The following EREG variants were observed in gnomAD, a reference collection of about 807,000 sequenced individuals.
EREG encodes the protein proepiregulin.
A neutral mutation model predicts 22.4 loss-of-function variants in EREG; 23 were observed. That is an observed-to-expected ratio of 1.03 (90% CI 0.74 to 1.46). The LOEUF (loss-of-function observed/expected upper bound fraction) is 1.46. Among genes scored for constraint, EREG ranks in the 40% most tolerant of loss-of-function variants. The probability of loss-of-function intolerance (pLI) is 0.00; values close to 1 mark genes in which losing one functional copy is unlikely to be tolerated. For missense variants in EREG, 226 were observed against 205.9 expected, an observed-to-expected ratio of 1.10 and a Z score of -0.60; for synonymous variants, 100 against 75.4, an observed-to-expected ratio of 1.33 and a Z score of -1.69.
intron 2 of EREG, 134 bp downstream of exon 2, chr4:74,379,668 C>A: frequency 1.9e-6 from 1 of 534,182 alleles, no homozygotes; most frequent in East Asian, 2.9e-5. Flanking sequence ...TTTTAAATCA[C>A]CATATAAACT....
At position 74,386,607 on chromosome 4, in the gene EREG, C is replaced by T. The variant is rs1752572675; in HGVS notation, c.*1799C>T. 6.6e-6 allele frequency: 1 copy of T among 152,088 alleles called. No homozygotes were observed. The highest frequency in any genetic ancestry group is 1.5e-5 in the Non-Finnish European group (1 of 68,018). 9.4% of individuals were successfully genotyped at this position (152,088 alleles called of 1,614,324 possible). On this transcript the variant is annotated 3_prime_UTR_variant, in exon 5 of 5. Coordinates refer to ENST00000244869, the MANE Select transcript of EREG (RefSeq NM_001432.3). ...AAAAGAAAAATCAATTAGATCTAAA[C>T]AGTTATTTCTGTTTCCTATTTAATA...
At chr4:74,380,885 A>G in intron 2 of EREG, 129 bp from the exon 3 acceptor site, 1 of 972,244 alleles carries the variant, frequency 1.0e-6, no homozygotes, top group South Asian at 1.7e-5. Flanking sequence ...CCTACTTCTC[A>G]AAATTCTCCT....
At position 74,382,692 on chromosome 4, in the gene EREG, C is replaced by A. The variant is rs1387083187; in HGVS notation, c.326C>A (p.Thr109Asn). ...TGVRCEHFFL[T>N]VHQPLSKEYV... ...GTCCGATGTGAACACTTCTTTTTAACCGTCCACCAACCTTTAAGCAAAGAA... is the reference window on the plus strand; with the variant it reads ...GTCCGATGTGAACACTTCTTTTTAAACGTCCACCAACCTTTAAGCAAAGAA... The change falls in exon 4 of 5, where the codon ACC becomes AAC. Residue 109 changes from threonine (T) to asparagine (N), a missense_variant. By Grantham distance (65) the Thr-to-Asn change is moderately conservative (BLOSUM62 0). Transcript: ENST00000244869. The A allele has an allele frequency of 6.2e-7, 1 of 1,612,916 alleles. No individual in the cohort carries two copies. The highest frequency in any genetic ancestry group is 8.5e-7 in the Non-Finnish European group (1 of 1,179,252).
rs780596944 is a variant in EREG, at chr4:74,384,859, T to C, written c.*51T>C. 1 of 1,023,750 alleles carries C rather than the reference T, an allele frequency of 9.8e-7. No homozygotes were observed. Among genetic ancestry groups the C allele is most frequent in the Non-Finnish European group, 1.5e-6 (1 of 660,172 alleles). The allele number at this position is 1,023,750 out of a possible 1,614,324, so 63.4% of individuals were successfully genotyped here. A position where few individuals can be genotyped will look rare whatever the true frequency, so the allele number is the denominator to read the frequency against. ...GGATAACAGTGTGCCTGGTTAATATTAATATTCCCATTTTATTAATAATAT... is the reference window on the plus strand; with the variant it reads ...GGATAACAGTGTGCCTGGTTAATATCAATATTCCCATTTTATTAATAATAT... On this transcript the variant is annotated 3_prime_UTR_variant, in exon 5 of 5. Transcript: ENST00000244869.
At chr4:74,382,884 T>TTTA in intron 4 of EREG, 90 bp downstream of exon 4, 1 of 953,210 alleles carries the variant, frequency 1.0e-6, no homozygotes, top group East Asian at 2.4e-5. Context: ...GATAAAGTAT[T>TTTA]AGAGAGATAA....
At chr4:74,366,172 A>T (rs1217513850) in intron 1 of EREG, among the ~76,000 whole-genome samples, 1 of 151,456 alleles carries the variant, frequency 6.6e-6, no homozygotes, top group East Asian at 1.9e-4. Flanking sequence ...CCTTTCTGTT[A>T]AAAAAAAATT....
intron 1 of EREG, among the ~76,000 whole-genome samples, chr4:74,375,714 C>T (rs1560598013): frequency 6.6e-6 from 1 of 152,104 alleles, no homozygotes; most frequent in African/African-American, 2.4e-5. Flanking sequence ...CGCATTCACT[C>T]TTCTACCCTA....
Position 74,365,392 on chromosome 4 carries a change from T to C in EREG, c.67+17T>C, listed in dbSNP as rs1428252659. 6 of 1,611,324 alleles carry C rather than the reference T, an allele frequency of 3.7e-6. No homozygotes were observed. Among genetic ancestry groups the C allele is most frequent in the South Asian group, 2.2e-5 (2 of 90,962 alleles). ...TCTGCCTGGGTAAGTTCTCCCCCTCTGGCTTCCGGCCGCCCCAAAGAGGAG... is the reference window on the plus strand; with the variant it reads ...TCTGCCTGGGTAAGTTCTCCCCCTCCGGCTTCCGGCCGCCCCAAAGAGGAG... On this transcript the variant is annotated intron_variant, in intron 1 of 4. Coordinates refer to ENST00000244869, the MANE Select transcript of EREG (RefSeq NM_001432.3).
chr4:74,365,877 A>G lies in EREG; in HGVS notation c.67+502A>G, dbSNP rs144837931. Among the ~76,000 whole-genome samples, 1,062 of 152,230 alleles carry G rather than the reference A, an allele frequency of 7.0e-3. 12 individuals are homozygous for G. Among genetic ancestry groups the G allele is most frequent in the African/African-American group, 0.024 (1,004 of 41,528 alleles). On this transcript the variant is annotated intron_variant, in intron 1 of 4. Coordinates refer to ENST00000244869, the MANE Select transcript of EREG (RefSeq NM_001432.3). ...GTTTAGCTTTCCCGGAGGAGCTGGTATGCGCCAGTGCCAGTTGGCTGAGCT... is the reference window on the plus strand; with the variant it reads ...GTTTAGCTTTCCCGGAGGAGCTGGTGTGCGCCAGTGCCAGTTGGCTGAGCT...
Position 74,379,482 on chromosome 4 carries a change from T to C in EREG, c.102T>C (p.Thr34=), listed in dbSNP as rs1399530907. Residue 34 remains threonine, a synonymous_variant, in exon 2 of 5, where the codon ACT becomes ACC. Transcript: ENST00000244869. ...TTCTACAGGCAGTCCTCAGTACAAC[T>C]GTGATTCCATCATGTATCCCAGGAG... ...FHLLQAVLST[T]VIPSCIPGES... 10 of 1,612,500 alleles carry C rather than the reference T, an allele frequency of 6.2e-6. No homozygotes were observed. The highest frequency in any genetic ancestry group is 8.5e-6 in the Non-Finnish European group (10 of 1,178,562).
At chr4:74,384,445 G>A (rs904826042) in intron 4 of EREG, among the ~76,000 whole-genome samples, 1 of 152,090 alleles carries the variant, frequency 6.6e-6, no homozygotes, top group Non-Finnish European at 1.5e-5. Flanking sequence ...CTTAAATGTG[G>A]CCACACGCCT....
intron 1 of EREG, among the ~76,000 whole-genome samples, chr4:74,376,676 G>A (rs1396835610): frequency 6.6e-6 from 1 of 152,122 alleles, no homozygotes; most frequent in Admixed American, 6.5e-5. Flanking sequence ...TGTAGAAAAA[G>A]CATGGAGTGG....
chr4:74,378,094 T>G (rs1752412503), intron 1 of EREG, among the ~76,000 whole-genome samples: 1 of 152,212 alleles, frequency 6.6e-6, no homozygotes, highest in African/African-American at 2.4e-5. Flanking sequence ...ACCACTTACT[T>G]AGCTACTTCA....
chr4:74,383,053 GA>G (rs1752505871), intron 4 of EREG, among the ~76,000 whole-genome samples: 1 of 152,144 alleles, frequency 6.6e-6, no homozygotes, highest in South Asian at 2.1e-4. Context: ...GAAATAACTT[GA>G]AATTATTTTT....
intron 1 of EREG, 94 bp downstream of exon 1, chr4:74,365,469 C>T (rs1486551562): frequency 4.0e-6 from 4 of 1,011,068 alleles, no homozygotes; most frequent in Non-Finnish European, 5.6e-6. Context: ...ACGGAGTTGT[C>T]TCCAGGTTCA....
At chr4:74,372,545 T>G (rs1180647226) in intron 1 of EREG, among the ~76,000 whole-genome samples, 3 of 152,228 alleles carry the variant, frequency 2.0e-5, no homozygotes, top group African/African-American at 7.2e-5. Context: ...CAGGAGATGT[T>G]TCTTTTGGAA....
intron 1 of EREG, among the ~76,000 whole-genome samples, chr4:74,368,051 G>C (rs1752216082): frequency 6.6e-6 from 1 of 152,186 alleles, no homozygotes; most frequent in Admixed American, 6.5e-5. Context: ...GATAGTAAAT[G>C]GCCAGGTCAC....
At chr4:74,365,545 T>TG (rs1376875509) in intron 1 of EREG, among the ~76,000 whole-genome samples, 170 bp downstream of exon 1, 5 of 47,148 alleles carry the variant, frequency 1.1e-4, no homozygotes, top group South Asian at 7.3e-4. Context: ...GGGACTGGGG[T>TG]GGGGGGGACT....
At chr4:74,375,495 T>TC (rs1303769659) in intron 1 of EREG, among the ~76,000 whole-genome samples, 1 of 150,546 alleles carries the variant, frequency 6.6e-6, no homozygotes, top group East Asian at 2.0e-4. Context: ...ATTTTTTTTT[T>TC]TTTTTTTGTA....
Sources: allele counts gnomAD v4.1 joint callset (sites outside exome capture counted in the v4.1 genomes callset), GRCh38; gene constraint gnomAD v4.1.1; transcripts MANE v1.5; gene names NCBI Gene and HGNC (gene_info 2026-07-23, HGNC 2026-07-21).